Variants in OCA2 observed in about 807,000 individuals in gnomAD.
OCA2 encodes P protein.
OCA2 carries 77 observed loss-of-function variants against 100.2 expected under a neutral mutation model. The ratio of observed to expected loss-of-function variants is 0.77; its 90% CI spans 0.64 to 0.93. OCA2 has a LOEUF of 0.93. Ranked by LOEUF, OCA2 falls within the 40% of genes least tolerant of loss-of-function variation. OCA2 has a pLI of 0.00. For synonymous variants in OCA2, 432 were observed against 439.2 expected, an observed-to-expected ratio of 0.98 and a Z score of 0.21; for missense variants, 1,062 against 1,089.1, an observed-to-expected ratio of 0.98 and a Z score of 0.35.
chr15:27,790,695 G>T (rs183530352), intron 23 of OCA2, among the ~76,000 whole-genome samples: 1 of 152,132 alleles, frequency 6.6e-6, no homozygotes, highest in African/African-American at 2.4e-5. Context: ...TTGAGGTGGT[G>T]GTTACATGAC....
chr15:27,765,454 A>G (rs968030414), intron 23 of OCA2, among the ~76,000 whole-genome samples: 2 of 152,238 alleles, frequency 1.3e-5, no homozygotes, highest in Non-Finnish European at 2.9e-5. Flanking sequence ...GCAAGAGACA[A>G]GACAAATCAC....
chr15:27,833,891 C>A (rs565984861), intron 23 of OCA2, among the ~76,000 whole-genome samples: 1 of 152,302 alleles, frequency 6.6e-6, no homozygotes, highest in South Asian at 2.1e-4. Flanking sequence ...ATTGACCCAC[C>A]ATCAAGCAAC....
At chr15:27,987,665 C>A (rs908645219) in intron 11 of OCA2, among the ~76,000 whole-genome samples, 3 of 151,798 alleles carry the variant, frequency 2.0e-5, no homozygotes, top group Non-Finnish European at 4.4e-5. Context: ...GGACGGGGAG[C>A]TTGCAGTGAG....
intron 19 of OCA2, among the ~76,000 whole-genome samples, chr15:27,887,940 G>A (rs1417289707): frequency 6.6e-6 from 1 of 151,650 alleles, no homozygotes; most frequent in African/African-American, 2.4e-5. Flanking sequence ...GACAGAACCT[G>A]AGGAGGGACC....
chr15:27,996,749 A>G (rs542980970), intron 9 of OCA2, among the ~76,000 whole-genome samples: 1 of 152,252 alleles, frequency 6.6e-6, no homozygotes, highest in African/African-American at 2.4e-5. Context: ...TCAAGAAAAA[A>G]TAGAAAACCT....
chr15:27,963,977 A>C (rs966455666), intron 15 of OCA2, among the ~76,000 whole-genome samples: 7 of 152,164 alleles, frequency 4.6e-5, no homozygotes, highest in Admixed American at 2.0e-4. Context: ...ACAATTTTAT[A>C]ACAATACATT....
intron 19 of OCA2, among the ~76,000 whole-genome samples, chr15:27,872,393 C>G (rs1250720296): frequency 2.0e-5 from 3 of 152,176 alleles, no homozygotes; most frequent in Non-Finnish European, 4.4e-5. Context: ...GCACATGTAA[C>G]TATTTTCACA....
intron 18 of OCA2, among the ~76,000 whole-genome samples, chr15:27,933,952 A>G (rs2039354902): frequency 6.6e-6 from 1 of 152,158 alleles, no homozygotes; most frequent in African/African-American, 2.4e-5. Context: ...TATGTGTTAT[A>G]TACATATCAC....
At chr15:27,815,549 A>G (rs2034264686) in intron 23 of OCA2, among the ~76,000 whole-genome samples, 1 of 152,212 alleles carries the variant, frequency 6.6e-6, no homozygotes, top group Non-Finnish European at 1.5e-5. Context: ...ATTTGGCAAT[A>G]TCTAGCCAAT....
At chr15:27,856,797 T>C (rs1242892952) in intron 21 of OCA2, among the ~76,000 whole-genome samples, 1 of 151,976 alleles carries the variant, frequency 6.6e-6, no homozygotes, top group Non-Finnish European at 1.5e-5. Context: ...ATAGAGATAA[T>C]AGAAGAAAAA....
chr15:27,748,958 T>C, the OCA2 span, among the ~76,000 whole-genome samples: 1 of 148,468 alleles, frequency 6.7e-6, no homozygotes, highest in African/African-American at 2.6e-5. Flanking sequence ...GAGAAAATAC[T>C]GAAAAAAAAA....
Position 27,871,206 on chromosome 15 carries a change from A to T in OCA2, c.2192T>A (p.Val731Asp). The T allele has an allele frequency of 6.2e-7, 1 of 1,614,134 alleles. No homozygotes were observed. Among genetic ancestry groups the T allele is most frequent in the Non-Finnish European group, 8.5e-7 (1 of 1,180,012 alleles). ...LIAAIVLVVWVSALASSLIDN... is the reference protein window; with the variant it reads ...LIAAIVLVVWDSALASSLIDN... ...AATCAGGGACGACGCCAGGGCTGAGACCCACACCACCAGGACAATGGCGGC... is the reference window on the plus strand; with the variant it reads ...AATCAGGGACGACGCCAGGGCTGAGTCCCACACCACCAGGACAATGGCGGC... The change falls in exon 21 of 24, where the codon GTC becomes GAC. Residue 731 changes from valine (V) to aspartate (D), a missense_variant. Val to Asp is a radical substitution (Grantham distance 152). Coordinates refer to ENST00000354638, the MANE Select transcript of OCA2 (RefSeq NM_000275.3).
At chr15:27,872,957 T>G (rs1342861904) in intron 19 of OCA2, among the ~76,000 whole-genome samples, 1 of 152,222 alleles carries the variant, frequency 6.6e-6, no homozygotes, top group Non-Finnish European at 1.5e-5. Context: ...CCCAAAGTGC[T>G]GGGATTACAG....
intron 15 of OCA2, among the ~76,000 whole-genome samples, chr15:27,962,059 TG>T (rs1225308386): frequency 3.3e-5 from 5 of 152,232 alleles, no homozygotes. Context: ...GGAAGATGAC[TG>T]ATATTTATCT....
chr15:27,976,861 G>C (rs2040983864), intron 14 of OCA2, among the ~76,000 whole-genome samples: 1 of 152,080 alleles, frequency 6.6e-6, no homozygotes, highest in Non-Finnish European at 1.5e-5. Flanking sequence ...CACCAAAGAA[G>C]CTATCTTAGC....
rs534983609 is a variant in OCA2 at position 27,941,739 on chromosome 15, G to A, written c.1951+10045C>T. ...TGTGTGCATGATGCTCAGGAAGGGA[G>A]ATTCAAATGGGCAAAAATGCTCCAG... On this transcript the variant is annotated intron_variant, in intron 18 of 23. Transcript: ENST00000354638. 1.2e-3 allele frequency among the ~76,000 whole-genome samples: 182 copies of A among 152,320 alleles called. 2 individuals are homozygous for A. The Middle Eastern group carries it at 0.014, about 11-fold the overall frequency.
chr15:27,889,491 A>G (rs2037368075), intron 19 of OCA2, among the ~76,000 whole-genome samples: 1 of 152,172 alleles, frequency 6.6e-6, no homozygotes, highest in South Asian at 2.1e-4. Flanking sequence ...TGTCAGAGGC[A>G]GCCGGGCAGG....
At chr15:27,835,902 AG>A (rs1171447069) in intron 23 of OCA2, among the ~76,000 whole-genome samples, 1 of 152,150 alleles carries the variant, frequency 6.6e-6, no homozygotes. Context: ...TATACAGTGG[AG>A]GGGGGGTGGT....
rs2042800966 is a variant in OCA2, at chr15:28,027,864, C to T, written c.515+7G>A. 6.2e-7 allele frequency: 1 copy of T among 1,612,182 alleles called. No homozygotes were observed. ...GCTGCCAGGGTGGGCACCCCAAGTC[C>T]GCCTACCTCAGCTTGGAAAGACGGA... is the stretch of plus-strand genomic sequence containing the variant. On this transcript the variant is annotated splice_region_variant and intron_variant, in intron 4 of 23. Transcript: ENST00000354638.
Sources: gnomAD v4.1 joint callset for allele counts (sites outside exome capture counted in the v4.1 genomes callset) on GRCh38, gnomAD v4.1.1 for gene constraint, MANE v1.5 for transcripts, NCBI Gene and HGNC (gene_info 2026-07-23, HGNC 2026-07-21) for gene names.